The following RPL39L variants were observed in gnomAD, a reference collection of about 807,000 sequenced individuals.
RPL39L encodes ribosomal protein eL39-like 2.
For synonymous variants in RPL39L, 16 were observed against 20.1 expected (o/e 0.80, Z 0.55); for missense variants, 48 against 58.9 (o/e 0.81, Z 0.61).
intron 2 of RPL39L, among the ~76,000 whole-genome samples, chr3:187,124,072 T>C (rs533096259): frequency 1.3e-5 from 2 of 152,300 alleles, no homozygotes; most frequent in East Asian, 1.9e-4. Flanking sequence ...ACAATAGTAA[T>C]GGTTATGAGG....
intron 2 of RPL39L, among the ~76,000 whole-genome samples, chr3:187,123,015 C>T (rs1357629178): frequency 6.6e-6 from 1 of 152,004 alleles, no homozygotes; most frequent in Non-Finnish European, 1.5e-5. Context: ...GAAAAAAAGT[C>T]CAAATTGATG....
At chr3:187,124,166 T>C (rs1475935293) in intron 2 of RPL39L, among the ~76,000 whole-genome samples, 2 of 152,194 alleles carry the variant, frequency 1.3e-5, no homozygotes, top group African/African-American at 2.4e-5. Context: ...AGGAGTTCAA[T>C]TTTCTCAAGA....
intron 1 of RPL39L, among the ~76,000 whole-genome samples, chr3:187,132,615 C>G (rs1317281753): frequency 2.0e-5 from 3 of 152,218 alleles, no homozygotes; most frequent in African/African-American, 7.2e-5. Flanking sequence ...TTTATGGTTT[C>G]TCACTATCTC....
At chr3:187,130,247 A>G (rs1037003460) in intron 1 of RPL39L, among the ~76,000 whole-genome samples, 1 of 152,214 alleles carries the variant, frequency 6.6e-6, no homozygotes, top group Non-Finnish European at 1.5e-5. Context: ...GTCACCTTCA[A>G]AGCAAAGTTC....
chr3:187,136,383 G>C (rs1442216778), intron 1 of RPL39L, among the ~76,000 whole-genome samples: 1 of 152,076 alleles, frequency 6.6e-6, no homozygotes, highest in Non-Finnish European at 1.5e-5. Context: ...TAGTTTTACA[G>C]TTCACTTATG....
At chr3:187,138,710 G>T (rs1720630479) in intron 1 of RPL39L, among the ~76,000 whole-genome samples, 1 of 152,134 alleles carries the variant, frequency 6.6e-6, no homozygotes, top group African/African-American at 2.4e-5. Context: ...CTACTTTATT[G>T]TCGATTTCCT....
chr3:187,121,428 G>T, intron 2 of RPL39L, 100 bp from the exon 3 acceptor site: 2 of 1,203,610 alleles, frequency 1.7e-6, no homozygotes, highest in Non-Finnish European at 2.3e-6. Context: ...GATCTTTAGT[G>T]CCACAGCGAG....
chr3:187,133,869 G>A (rs1720527265), intron 1 of RPL39L, among the ~76,000 whole-genome samples: 1 of 152,150 alleles, frequency 6.6e-6, no homozygotes, highest in Non-Finnish European at 1.5e-5. Context: ...CTTAACTACT[G>A]AGTAAGCTGA....
intron 2 of RPL39L, 107 bp downstream of exon 2, chr3:187,127,891 AT>A (rs1384616415): frequency 6.6e-6 from 1 of 152,266 alleles, no homozygotes; most frequent in Non-Finnish European, 1.5e-5. Context: ...TAATTTAAAA[AT>A]ATCTACAAAA....
intron 2 of RPL39L, among the ~76,000 whole-genome samples, chr3:187,122,746 C>T (rs2108466845): frequency 6.6e-6 from 1 of 152,248 alleles, no homozygotes; most frequent in East Asian, 1.9e-4. Flanking sequence ...AGGATGGGCA[C>T]TATAGTTTTT....
At chr3:187,138,080 G>C (rs570859286) in intron 1 of RPL39L, among the ~76,000 whole-genome samples, 1 of 152,162 alleles carries the variant, frequency 6.6e-6, no homozygotes, top group Non-Finnish European at 1.5e-5. Context: ...TCAGTTAATA[G>C]AAGCATCCGT....
At position 187,121,062 on chromosome 3, in the gene RPL39L, T is replaced by C. The variant is rs1720298739; in HGVS notation, c.*83A>G. ...AAAACATGTGCAACTGTCCAGGTAG[T>C]GGTGACATTTTCAGCTTGATATCGT... On this transcript the variant is annotated 3_prime_UTR_variant, in exon 3 of 3. Transcript: ENST00000296277. 6.8e-7 allele frequency: 1 copy of C among 1,465,824 alleles called. No homozygotes were observed. The highest frequency in any genetic ancestry group is 9.5e-7 in the Non-Finnish European group (1 of 1,053,402). The allele number at this position is 1,465,824 out of a possible 1,614,324, so 90.8% of individuals were successfully genotyped here. A position where few individuals can be genotyped will look rare whatever the true frequency, so the allele number is the denominator to read the frequency against.
chr3:187,135,981 A>G (rs1720572839), intron 1 of RPL39L, among the ~76,000 whole-genome samples: 1 of 152,230 alleles, frequency 6.6e-6, no homozygotes. Context: ...AACTCTTTCC[A>G]TGGAACTAGA....
intron 2 of RPL39L, among the ~76,000 whole-genome samples, chr3:187,122,296 A>C (rs1189028113): frequency 8.5e-5 from 13 of 152,228 alleles, no homozygotes; most frequent in African/African-American, 3.1e-4. Context: ...TCTACATCTC[A>C]GATTGTGAGA....
At chr3:187,133,688 G>A (rs1720523522) in intron 1 of RPL39L, among the ~76,000 whole-genome samples, 1 of 152,114 alleles carries the variant, frequency 6.6e-6, no homozygotes, top group African/African-American at 2.4e-5. Flanking sequence ...AAAGGCAAAA[G>A]CATGGAGAGA....
At chr3:187,138,981 TC>T (rs1240517940) in intron 1 of RPL39L, among the ~76,000 whole-genome samples, 3 of 152,010 alleles carry the variant, frequency 2.0e-5, no homozygotes, top group Admixed American at 2.0e-4. Flanking sequence ...ATCGCTTGAA[TC>T]CGGAGGCGGA....
intron 1 of RPL39L, among the ~76,000 whole-genome samples, chr3:187,128,776 G>A (rs1720440245): frequency 1.3e-5 from 2 of 152,160 alleles, no homozygotes; most frequent in African/African-American, 2.4e-5. Flanking sequence ...TAGTCCCCAC[G>A]GCAAGGTCTG....
chr3:187,128,954 T>A (rs916574652), intron 1 of RPL39L, among the ~76,000 whole-genome samples: 2 of 152,182 alleles, frequency 1.3e-5, no homozygotes, highest in African/African-American at 4.8e-5. Context: ...CTATTGTACC[T>A]CTTGCTTGCA....
chr3:187,133,097 C>T (rs766254717), intron 1 of RPL39L, among the ~76,000 whole-genome samples: 10 of 152,326 alleles, frequency 6.6e-5, no homozygotes, highest in Non-Finnish European at 1.5e-4. Flanking sequence ...CTTCCACTTT[C>T]AGTCTCTCTT....
Sources: gnomAD v4.1 joint callset for allele counts (sites outside exome capture counted in the v4.1 genomes callset) on GRCh38, gnomAD v4.1.1 for gene constraint, MANE v1.5 for transcripts, NCBI Gene and HGNC (gene_info 2026-07-23, HGNC 2026-07-21) for gene names.